A1CF: variants seen among roughly 807,000 people sequenced by gnomAD.
A1CF encodes the protein APOBEC1 complementation factor.
A1CF carries 48 observed loss-of-function variants against 68.9 expected under a neutral mutation model. The ratio of observed to expected loss-of-function variants is 0.70; its 90% confidence interval spans 0.55 to 0.89. A1CF has a LOEUF of 0.89. Ranked by LOEUF, A1CF falls within the 40% of genes least tolerant of loss-of-function variation. The pLI is 0.00. For missense variants in A1CF, 653 were observed against 718.9 expected (o/e 0.91, Z 1.05); for synonymous variants, 272 against 260.4 (o/e 1.04, Z -0.43).
chr10:50,852,641 A>G (rs1225027683), intron 3 of A1CF, among the ~76,000 whole-genome samples: 1 of 152,164 alleles, frequency 6.6e-6, no homozygotes. Flanking sequence ...GAAAACAGGC[A>G]ATAGAGGAAA....
At chr10:50,842,559 C>T (rs573545983) in intron 4 of A1CF, among the ~76,000 whole-genome samples, 20 of 152,204 alleles carry the variant, frequency 1.3e-4, no homozygotes, top group African/African-American at 4.3e-4. Flanking sequence ...TGTAATGAGC[C>T]ATAATTGTGC....
rs12245610 is a variant in A1CF, at chr10:50,866,760, G to T, written c.-93-2680C>A. On this transcript the variant is annotated intron_variant, in intron 1 of 12. Transcript: ENST00000373997. ...AAAACTAAGCGAGGATTTTAAGTGA[G>T]ATTTGTTATCTAGATTTGCCTGAAG... Among the ~76,000 whole-genome samples, 9 of 152,322 alleles carry T rather than the reference G, an allele frequency of 5.9e-5. No homozygotes were observed. The East Asian group carries it at 1.7e-3, about 29-fold the overall frequency.
rs1313263816 is a variant in A1CF at position 50,809,876 on chromosome 10, G to A, written c.1609+18C>T. 6.2e-7 allele frequency: 1 copy of A among 1,613,488 alleles called. No homozygotes were observed. Among genetic ancestry groups the A allele is most frequent in the Middle Eastern group, 1.7e-4 (1 of 5,946 alleles). On this transcript the variant is annotated intron_variant, in intron 12 of 12. Coordinates refer to ENST00000373997, the MANE Select transcript of A1CF (RefSeq NM_014576.4). Reference sequence around the variant, plus strand: ...ATACTCTCTGCAGGGCGCCATTTCTGGCACAATTTTCCCATACCTGGGAAA... The same window carrying A: ...ATACTCTCTGCAGGGCGCCATTTCTAGCACAATTTTCCCATACCTGGGAAA...
At chr10:50,844,596 A>G (rs1839917728) in intron 3 of A1CF, among the ~76,000 whole-genome samples, 1 of 152,142 alleles carries the variant, frequency 6.6e-6, no homozygotes, top group Admixed American at 6.6e-5. Context: ...AGAACAATAG[A>G]ACTTACTCTG....
chr10:50,865,660 G>A (rs955753901), intron 1 of A1CF, among the ~76,000 whole-genome samples: 5 of 152,052 alleles, frequency 3.3e-5, no homozygotes, highest in African/African-American at 2.4e-5. Flanking sequence ...TACACTTCCA[G>A]TTTCTCTGCT....
At chr10:50,868,059 G>C (rs1841078751) in intron 1 of A1CF, among the ~76,000 whole-genome samples, 1 of 152,132 alleles carries the variant, frequency 6.6e-6, no homozygotes, top group African/African-American at 2.4e-5. Context: ...ATCCATGATG[G>C]CTTCACTTGC....
At chr10:50,828,414 A>G in intron 6 of A1CF, 119 bp from the exon 7 acceptor site, 1 of 697,064 alleles carries the variant, frequency 1.4e-6, no homozygotes, top group Non-Finnish European at 2.2e-6. Context: ...GAGCAAGAAG[A>G]CCATTAAAAC....
intron 1 of A1CF, among the ~76,000 whole-genome samples, chr10:50,868,509 A>G (rs1841099196): frequency 6.6e-6 from 1 of 152,226 alleles, no homozygotes; most frequent in Non-Finnish European, 1.5e-5. Flanking sequence ...CATCACAAAA[A>G]GTCCCAATGT....
intron 1 of A1CF, among the ~76,000 whole-genome samples, chr10:50,873,759 A>G (rs1841379259): frequency 6.6e-6 from 1 of 152,122 alleles, no homozygotes; most frequent in Non-Finnish European, 1.5e-5. Flanking sequence ...ATACCATCCT[A>G]TATGGAATCA....
intron 4 of A1CF, among the ~76,000 whole-genome samples, chr10:50,843,289 G>T (rs1839858613): frequency 6.6e-6 from 1 of 152,118 alleles, no homozygotes; most frequent in Admixed American, 6.5e-5. Flanking sequence ...TTGTCCTCAT[G>T]CCAAGAGGGA....
rs867243084 is a variant in A1CF, at chr10:50,833,505, C to G, written c.604+2569G>C. Among the ~76,000 whole-genome samples, 16 of 152,326 alleles carry G rather than the reference C, an allele frequency of 1.1e-4. No individual in the cohort carries two copies. In the South Asian group the frequency reaches 1.4e-3, roughly 14 times the overall value. On this transcript the variant is annotated intron_variant, in intron 6 of 12. Coordinates refer to ENST00000373997, the MANE Select transcript of A1CF (RefSeq NM_014576.4). Reference sequence around the variant, plus strand: ...GAGATTTCTCAAGGGGGAACTGCCACTGTTTAGAGAGGAGGTAAGTGACTG... The same window carrying G: ...GAGATTTCTCAAGGGGGAACTGCCAGTGTTTAGAGAGGAGGTAAGTGACTG...
rs1221867709 is a variant in A1CF, at chr10:50,803,816, A to G, written c.*2913T>C. 1 of 152,218 alleles carries G rather than the reference A, an allele frequency of 6.6e-6. No homozygotes were observed. The highest frequency in any genetic ancestry group is 1.5e-5 in the Non-Finnish European group (1 of 68,034). 9.4% of individuals were successfully genotyped at this position (152,218 alleles called of 1,614,324 possible). A position where few individuals can be genotyped will look rare whatever the true frequency, so the allele number is the denominator to read the frequency against. ...CAAATTTTAATTTTTTCTGTAAAGAATTAGGAAGCATTCAAATAAGAAATT... is the reference window on the plus strand; with the variant it reads ...CAAATTTTAATTTTTTCTGTAAAGAGTTAGGAAGCATTCAAATAAGAAATT... On this transcript the variant is annotated 3_prime_UTR_variant, in exon 13 of 13. Coordinates refer to ENST00000373997, the MANE Select transcript of A1CF (RefSeq NM_014576.4).
chr10:50,856,881 A>T (rs892977926), intron 3 of A1CF, among the ~76,000 whole-genome samples: 1 of 152,134 alleles, frequency 6.6e-6, no homozygotes, highest in African/African-American at 2.4e-5. Context: ...TTGGCCATAT[A>T]TTTTAGGAGT....
chr10:50,808,792 C>T (rs1057361365), intron 12 of A1CF, among the ~76,000 whole-genome samples: 1 of 151,980 alleles, frequency 6.6e-6, no homozygotes, highest in Non-Finnish European at 1.5e-5. Flanking sequence ...AAAAAAACCC[C>T]AAAACCAAAA....
At chr10:50,817,399 G>C (rs1001783917) in intron 8 of A1CF, among the ~76,000 whole-genome samples, 1 of 152,110 alleles carries the variant, frequency 6.6e-6, no homozygotes, top group Non-Finnish European at 1.5e-5. Context: ...AAGTCTGCTG[G>C]ACAAAGCTTG....
chr10:50,836,616 T>G (rs1481937172), intron 5 of A1CF, among the ~76,000 whole-genome samples: 1 of 151,914 alleles, frequency 6.6e-6, no homozygotes. Context: ...TGTATACATG[T>G]GCCATGTTGG....
Position 50,806,858 on chromosome 10 carries a change from A to G in A1CF, c.1632T>C (p.Thr544=), listed in dbSNP as rs1837853608. The change falls in exon 13 of 13, where the codon ACT becomes ACC. Residue 544 remains threonine, a synonymous_variant. Coordinates refer to ENST00000373997, the MANE Select transcript of A1CF (RefSeq NM_014576.4). ...TGAGCTGGGCTGCAGACACGGGTGC[A>G]GTTGCATTAGGGACAGCATATCCTG... ...AFPGYAVPNA[T]APVSAAQLKQ... is the part of the protein sequence containing the mutation. 6.2e-7 allele frequency: 1 copy of G among 1,612,404 alleles called. No homozygotes were observed. Among genetic ancestry groups the G allele is most frequent in the South Asian group, 1.1e-5 (1 of 90,760 alleles).
chr10:50,857,370 C>T (rs2042950842), intron 3 of A1CF, among the ~76,000 whole-genome samples: 1 of 152,100 alleles, frequency 6.6e-6, no homozygotes, highest in South Asian at 2.1e-4. Flanking sequence ...TTAACTCTAG[C>T]CTCTGATTTA....
chr10:50,876,585 T>C (rs1841522304), intron 1 of A1CF, among the ~76,000 whole-genome samples: 1 of 152,214 alleles, frequency 6.6e-6, no homozygotes, highest in African/African-American at 2.4e-5. Context: ...GACATTGGCC[T>C]TTCCTGATCT....
Sources: gnomAD v4.1 joint callset for allele counts (sites outside exome capture counted in the v4.1 genomes callset) on GRCh38, gnomAD v4.1.1 for gene constraint, MANE v1.5 for transcripts, NCBI Gene and HGNC (gene_info 2026-07-23, HGNC 2026-07-21) for gene names.